PSTPIP1: variants seen among roughly 807,000 people sequenced by gnomAD.
PSTPIP1 encodes proline-serine-threonine phosphatase interacting protein 1.
PSTPIP1 carries 66 observed loss-of-function variants against 69.6 expected under a neutral mutation model. The observed-to-expected ratio is 0.95, with a 90% CI of 0.78 to 1.16. The LOEUF is 1.16. PSTPIP1 is among the 50% of genes most tolerant of loss of function. PSTPIP1 has a pLI of 0.00. For missense variants in PSTPIP1, 603 were observed against 557.4 expected (o/e 1.08, Z -0.82); for synonymous variants, 266 against 222.7 (o/e 1.19, Z -1.73).
chr15:77,020,707 T>C (rs982710066), intron 3 of PSTPIP1, among the ~76,000 whole-genome samples: 5 of 152,202 alleles, frequency 3.3e-5, no homozygotes, highest in African/African-American at 4.8e-5. Context: ...GGCCCATTTA[T>C]GCGCCACCTC....
chr15:77,017,810 C>G lies in PSTPIP1; in HGVS notation c.37-338C>G, dbSNP rs550432786. Among the ~76,000 whole-genome samples the G allele has an allele frequency of 2.6e-5, 4 of 152,312 alleles. 1 individual carries two copies. The highest frequency in any genetic ancestry group is 9.6e-5 in the African/African-American group (4 of 41,560). ...GCACTGTGAGTGAGTGAATTTCAGGCCTGGCTGTCATCAGGGGGACTTAAG... is the reference window on the plus strand; with the variant it reads ...GCACTGTGAGTGAGTGAATTTCAGGGCTGGCTGTCATCAGGGGGACTTAAG... On this transcript the variant is annotated intron_variant, in intron 1 of 14. Coordinates refer to ENST00000558012, the MANE Select transcript of PSTPIP1 (RefSeq NM_003978.5).
chr15:76,996,799 A>G (rs1172989791), intron 1 of PSTPIP1, among the ~76,000 whole-genome samples: 1 of 152,232 alleles, frequency 6.6e-6, no homozygotes, highest in Non-Finnish European at 1.5e-5. Context: ...ATGGAGGCAG[A>G]GCTGCCTCAG....
chr15:76,995,104 C>G, upstream of PSTPIP1: 1 of 1,176,984 alleles, frequency 8.5e-7, no homozygotes. Context: ...GGGCCCTGTG[C>G]CTGCCCCGGG....
At chr15:77,021,434 A>G in intron 3 of PSTPIP1, among the ~76,000 whole-genome samples, 1 of 152,288 alleles carries the variant, frequency 6.6e-6, no homozygotes, top group Non-Finnish European at 1.5e-5. Flanking sequence ...CCTCACGCCT[A>G]TAATCCCATC....
intron 1 of PSTPIP1, among the ~76,000 whole-genome samples, chr15:76,999,155 C>T (rs1385416251): frequency 6.6e-6 from 1 of 152,206 alleles, no homozygotes; most frequent in Non-Finnish European, 1.5e-5. Flanking sequence ...AAATGTCTGT[C>T]TGTATCCTCT....
At chr15:77,029,663 C>T in intron 8 of PSTPIP1, 89 bp downstream of exon 8, 1 of 1,373,810 alleles carries the variant, frequency 7.3e-7, no homozygotes, top group Non-Finnish European at 1.0e-6. Context: ...GACACACACA[C>T]TCCCCCTGGC....
rs753501213 is a variant in PSTPIP1 at position 76,995,547 on chromosome 15, G to A, written c.-27G>A. The A allele has an allele frequency of 1.2e-6, 2 of 1,613,820 alleles. No individual in the cohort carries two copies. The highest frequency in any genetic ancestry group is 1.7e-6 in the Non-Finnish European group (2 of 1,179,886). ...TCAGGCCAGCCTGTGGCAGGAGAGT[G>A]AGCTTTGCCGCGGCAGACGCCTGAG... On this transcript the variant is annotated 5_prime_UTR_variant, in exon 1 of 15. Coordinates refer to ENST00000558012, the MANE Select transcript of PSTPIP1 (RefSeq NM_003978.5).
At chr15:77,031,380 G>A in intron 10 of PSTPIP1, 102 bp downstream of exon 10, 1 of 1,295,836 alleles carries the variant, frequency 7.7e-7, no homozygotes, top group Admixed American at 1.7e-5. Context: ...GGTCCTCTGT[G>A]ATCCAAGCCT....
rs1220231921 is a variant in PSTPIP1, at chr15:77,018,496, G to A, written c.177G>A (p.Gln59=). 2 of 1,582,450 alleles carry A rather than the reference G, an allele frequency of 1.3e-6. No individual in the cohort carries two copies. Among genetic ancestry groups the A allele is most frequent in the Non-Finnish European group, 1.7e-6 (2 of 1,164,270 alleles). The change falls in exon 3 of 15, where the codon CAG becomes CAA. Residue 59 remains glutamine (Q), a synonymous_variant. Coordinates refer to ENST00000558012, the MANE Select transcript of PSTPIP1 (RefSeq NM_003978.5). ...AGCGGTACGGGAAGGAGCTGGTGCAGATCGCACGGAAGGCAGGTGGCCAGA... is the reference window on the plus strand; with the variant it reads ...AGCGGTACGGGAAGGAGCTGGTGCAAATCGCACGGAAGGCAGGTGGCCAGA... ...AEERYGKELV[Q]IARKAGGQTE...
chr15:77,022,241 G>A (rs958664114), intron 3 of PSTPIP1, among the ~76,000 whole-genome samples: 1 of 152,332 alleles, frequency 6.6e-6, no homozygotes, highest in South Asian at 2.1e-4. Context: ...GTCCCCTGAC[G>A]CTGGCTCATC....
chr15:77,037,398 A>C lies in PSTPIP1; in HGVS notation c.*222A>C, dbSNP rs769601842. 3 of 495,138 alleles carry C rather than the reference A, an allele frequency of 6.1e-6. No individual in the cohort carries two copies. The highest frequency in any genetic ancestry group is 1.0e-5 in the Non-Finnish European group (3 of 290,734). The allele number at this position is 495,138 out of a possible 1,614,324, so 30.7% of individuals were successfully genotyped here. ...AGTGTCCGAGTGCTCAGTTCAGAGG[A>C]GGCAAAGGAACAAGGGAAGGAGCCT... On this transcript the variant is annotated 3_prime_UTR_variant, in exon 15 of 15. Coordinates refer to ENST00000558012, the MANE Select transcript of PSTPIP1 (RefSeq NM_003978.5).
At chr15:77,025,769 A>G (rs905775596) in intron 5 of PSTPIP1, among the ~76,000 whole-genome samples, 165 bp downstream of exon 5, 2 of 152,132 alleles carry the variant, frequency 1.3e-5, no homozygotes, top group African/African-American at 4.8e-5. Flanking sequence ...TGAAGTGGGT[A>G]GGGAGGGCAG....
chr15:77,010,861 G>T (rs2075920206), intron 1 of PSTPIP1, among the ~76,000 whole-genome samples: 1 of 152,102 alleles, frequency 6.6e-6, no homozygotes, highest in Non-Finnish European at 1.5e-5. Flanking sequence ...GGCCAGGCTG[G>T]TCTCAAACTC....
At chr15:77,034,577 A>C (rs2076508757) in intron 12 of PSTPIP1, among the ~76,000 whole-genome samples, 1 of 149,488 alleles carries the variant, frequency 6.7e-6, no homozygotes, top group South Asian at 2.1e-4. Context: ...TCCCCCACAC[A>C]CCCAAATTGG....
At chr15:76,999,990 G>A (rs747789532) in intron 1 of PSTPIP1, among the ~76,000 whole-genome samples, 2 of 152,244 alleles carry the variant, frequency 1.3e-5, no homozygotes, top group Non-Finnish European at 2.9e-5. Context: ...ATGCACTGCA[G>A]TGACTGTCAC....
upstream of PSTPIP1, chr15:76,994,700 C>T: frequency 4.0e-6 from 5 of 1,243,308 alleles, no homozygotes; most frequent in Non-Finnish European, 5.3e-6. Context: ...TGTGTGCTCA[C>T]AGCCCCCCAG....
At chr15:77,036,031 T>TG in intron 14 of PSTPIP1, 96 bp downstream of exon 14, 4 of 1,412,890 alleles carry the variant, frequency 2.8e-6, no homozygotes, top group Non-Finnish European at 3.7e-6. Flanking sequence ...TCTCTCCTCA[T>TG]GGTTTCACTC....
At position 77,028,611 on chromosome 15, in the gene PSTPIP1, G is replaced by A. The variant is rs886051493; in HGVS notation, c.475G>A (p.Glu159Lys). 2 of 1,596,014 alleles carry A rather than the reference G, an allele frequency of 1.3e-6. No individual in the cohort carries two copies. The highest frequency in any genetic ancestry group is 1.1e-5 in the South Asian group (1 of 88,282). The change falls in exon 7 of 15, where the codon GAG (glutamate) becomes AAG (lysine). Residue 159 changes from glutamate (E) to lysine (K), a missense_variant. By Grantham distance (56) the Glu-to-Lys change is moderately conservative. Transcript: ENST00000558012. ...CGCGGACGACGCGGAGCAGGCCTTCGAGCGCATTAGCGCCAACGGCCACCA... is the reference window on the plus strand; with the variant it reads ...CGCGGACGACGCGGAGCAGGCCTTCAAGCGCATTAGCGCCAACGGCCACCA... ...RDADDAEQAFERISANGHQKQ... is the reference protein window; with the variant it reads ...RDADDAEQAFKRISANGHQKQ...
intron 1 of PSTPIP1, among the ~76,000 whole-genome samples, chr15:77,008,778 G>C (rs1352551918): frequency 6.6e-6 from 1 of 152,214 alleles, no homozygotes; most frequent in Non-Finnish European, 1.5e-5. Flanking sequence ...GTCCCAGAGA[G>C]CACTAGGCTC....
Sources: allele counts gnomAD v4.1 joint callset (sites outside exome capture counted in the v4.1 genomes callset), GRCh38; gene constraint gnomAD v4.1.1; transcripts MANE v1.5; gene names NCBI Gene and HGNC (gene_info 2026-07-23, HGNC 2026-07-21).